Variants in OSBPL8 observed in about 807,000 individuals in gnomAD.
OSBPL8 encodes the protein oxysterol binding protein like 8.
In OSBPL8, 59 loss-of-function variants were observed where a neutral mutation model predicts 125.5. That is an observed-to-expected ratio of 0.47 (90% CI 0.38 to 0.58). The LOEUF (loss-of-function observed/expected upper bound fraction) is 0.58. Ranked by LOEUF, OSBPL8 falls within the 20% of genes least tolerant of loss-of-function variation. The pLI, the probability that OSBPL8 is intolerant of heterozygous loss-of-function variation, is 0.00. For synonymous variants in OSBPL8, 330 were observed against 338.9 expected, an observed-to-expected ratio of 0.97 and a Z score of 0.29; for missense variants, 758 against 1,047.8, an observed-to-expected ratio of 0.72 and a Z score of 3.82.
chr12:76,392,445 G>T (rs544109954), intron 10 of OSBPL8, 136 bp downstream of exon 10: 25 of 681,240 alleles, frequency 3.7e-5, no homozygotes, highest in Non-Finnish European at 9.2e-6. Flanking sequence ...ATTTTAAGCC[G>T]GTTCCTAGGC....
chr12:76,415,824 A>G (rs1420375859), intron 4 of OSBPL8, among the ~76,000 whole-genome samples: 1 of 152,176 alleles, frequency 6.6e-6, no homozygotes, highest in African/African-American at 2.4e-5. Flanking sequence ...ACTCTTTTTC[A>G]TAATAAATCA....
intron 3 of OSBPL8, 28 bp from the exon 4 acceptor site, chr12:76,451,016 GT>G: frequency 6.2e-7 from 1 of 1,601,846 alleles, no homozygotes; most frequent in Non-Finnish European, 8.5e-7. Flanking sequence ...AAAATAATTA[GT>G]ACTGAAGTCA....
intron 20 of OSBPL8, 38 bp from the exon 21 acceptor site, chr12:76,369,339 G>A (rs765247618): frequency 9.6e-6 from 15 of 1,557,822 alleles, no homozygotes; most frequent in Non-Finnish European, 1.3e-5. Context: ...TTTGCTCAAT[G>A]ACTAAACAAA....
intron 6 of OSBPL8, among the ~76,000 whole-genome samples, chr12:76,402,386 C>T (rs1000824485): frequency 2.0e-5 from 3 of 152,170 alleles, no homozygotes; most frequent in Non-Finnish European, 2.9e-5. Context: ...AGGAGTTCCA[C>T]AACATAGTGA....
chr12:76,524,034 T>C (rs573700019), intron 1 of OSBPL8, among the ~76,000 whole-genome samples: 1 of 152,220 alleles, frequency 6.6e-6, no homozygotes, highest in African/African-American at 2.4e-5. Flanking sequence ...CAAAATACAG[T>C]ATATAAGTAC....
chr12:76,517,498 C>CAT (rs1328728634), intron 1 of OSBPL8, among the ~76,000 whole-genome samples: 2 of 151,766 alleles, frequency 1.3e-5, no homozygotes, highest in Non-Finnish European at 2.9e-5. Context: ...ATATCTCGTA[C>CAT]ATATATATAA....
At chr12:76,502,815 C>T (rs574327928) in intron 1 of OSBPL8, among the ~76,000 whole-genome samples, 1 of 152,226 alleles carries the variant, frequency 6.6e-6, no homozygotes, top group Admixed American at 6.5e-5. Context: ...TAAATACCTG[C>T]TACAATTACG....
At chr12:76,516,768 A>G (rs765140409) in intron 1 of OSBPL8, among the ~76,000 whole-genome samples, 2 of 152,050 alleles carry the variant, frequency 1.3e-5, no homozygotes, top group African/African-American at 2.4e-5. Flanking sequence ...TCCTCTCAAC[A>G]TTATGCCATC....
chr12:76,447,546 AT>A lies in OSBPL8; in HGVS notation c.217+3304del, dbSNP rs569373281. ...CTCTACAGGACACTGGCCTAGATCC[AT>A]TTTTTTTTTTCCTGAGATGGAGTTT... On this transcript the variant is annotated intron_variant, in intron 4 of 23. Transcript: ENST00000261183. 6.7e-3 allele frequency among the ~76,000 whole-genome samples: 982 copies of A among 147,622 alleles called. 7 individuals carry two copies. The highest frequency in any genetic ancestry group is 0.042 in the Middle Eastern group (12 of 288).
At chr12:76,444,662 T>C (rs925016693) in intron 4 of OSBPL8, among the ~76,000 whole-genome samples, 2 of 152,220 alleles carry the variant, frequency 1.3e-5, no homozygotes, top group Non-Finnish European at 2.9e-5. Flanking sequence ...CCTAAATTTA[T>C]GCTCTCAATT....
At chr12:76,410,256 C>G (rs187143535) in intron 5 of OSBPL8, among the ~76,000 whole-genome samples, 1 of 151,850 alleles carries the variant, frequency 6.6e-6, no homozygotes, top group African/African-American at 2.4e-5. Flanking sequence ...TTTTTTAAAG[C>G]CATAAACCCT....
intron 12 of OSBPL8, among the ~76,000 whole-genome samples, chr12:76,388,826 A>T (rs927501531): frequency 6.6e-6 from 1 of 152,134 alleles, no homozygotes; most frequent in African/African-American, 2.4e-5. Context: ...AAAATTTCCC[A>T]GTTTACCAAT....
rs1951959370 is a variant in OSBPL8 at position 76,355,744 on chromosome 12, C to G, written c.*145G>C. On this transcript the variant is annotated 3_prime_UTR_variant, in exon 24 of 24. Coordinates refer to ENST00000261183, the MANE Select transcript of OSBPL8 (RefSeq NM_020841.5). ...TGTTTCAGTGTGAAGATAAAAGATA[C>G]GAAAAGTCAATACCTCTACATTTAT... 1.2e-6 allele frequency: 1 copy of G among 816,088 alleles called. No individual in the cohort carries two copies. 50.6% of individuals were successfully genotyped at this position (816,088 alleles called of 1,614,324 possible). A position where few individuals can be genotyped will look rare whatever the true frequency, so the allele number is the denominator to read the frequency against.
intron 3 of OSBPL8, among the ~76,000 whole-genome samples, chr12:76,459,492 A>C (rs1468546214): frequency 6.6e-6 from 1 of 152,258 alleles, no homozygotes; most frequent in Non-Finnish European, 1.5e-5. Context: ...TGACAAAATA[A>C]AAGTGTTTCT....
intron 15 of OSBPL8, among the ~76,000 whole-genome samples, chr12:76,382,019 G>A (rs1286401489): frequency 6.6e-6 from 1 of 152,112 alleles, no homozygotes. Context: ...ACATGCCTGA[G>A]CCACCATGCG....
At chr12:76,533,087 A>G (rs1779440598) in intron 1 of OSBPL8, among the ~76,000 whole-genome samples, 1 of 152,248 alleles carries the variant, frequency 6.6e-6, no homozygotes, top group Non-Finnish European at 1.5e-5. Context: ...TAACTTCAAA[A>G]TATTTTTAAA....
chr12:76,352,981 CT>C lies in OSBPL8; in HGVS notation c.*2907del, dbSNP rs1457996522. On this transcript the variant is annotated 3_prime_UTR_variant, in exon 24 of 24. Transcript: ENST00000261183. ...AAGATAGTATTATTGTTTAAATATACTATAGCTATATAAAAAGAAAGTAACA... is the reference window on the plus strand; with the variant it reads ...AAGATAGTATTATTGTTTAAATATACATAGCTATATAAAAAGAAAGTAACA... 6.6e-6 allele frequency: 1 copy of C among 152,410 alleles called. No individual in the cohort carries two copies. The highest frequency in any genetic ancestry group is 2.4e-5 in the African/African-American group (1 of 41,412). The allele number at this position is 152,410 out of a possible 1,614,324, so 9.4% of individuals were successfully genotyped here. A position where few individuals can be genotyped will look rare whatever the true frequency, so the allele number is the denominator to read the frequency against.
At position 76,389,836 on chromosome 12, in the gene OSBPL8, C is replaced by A; in HGVS notation, c.1168-7G>T. ...TTTGAGAAGCCTCACCTGCCTTTAT[C>A]AATTAATGAAAATTACCAAAACATT... On this transcript the variant is annotated splice_polypyrimidine_tract_variant and splice_region_variant and intron_variant, in intron 11 of 23. Transcript: ENST00000261183. 2 of 1,475,064 alleles carry A rather than the reference C, an allele frequency of 1.4e-6. No individual in the cohort carries two copies. The highest frequency in any genetic ancestry group is 9.0e-7 in the Non-Finnish European group (1 of 1,106,780). 91.4% of individuals were successfully genotyped at this position (1,475,064 alleles called of 1,614,324 possible).
intron 1 of OSBPL8, among the ~76,000 whole-genome samples, chr12:76,550,585 G>A (rs1018845145): frequency 1.1e-4 from 16 of 152,148 alleles, no homozygotes; most frequent in Admixed American, 3.3e-4. Context: ...AATAGCTGAT[G>A]AGCTTTAAAA....
Sources: allele counts gnomAD v4.1 joint callset (sites outside exome capture counted in the v4.1 genomes callset), GRCh38; gene constraint gnomAD v4.1.1; transcripts MANE v1.5; gene names NCBI Gene and HGNC (gene_info 2026-07-23, HGNC 2026-07-21).